Variants in CACNA2D3 observed in about 807,000 individuals in gnomAD.
CACNA2D3 encodes calcium voltage-gated channel auxiliary subunit alpha2delta 3.
CACNA2D3 carries 60 observed loss-of-function variants against 160.6 expected under a neutral mutation model. The ratio of observed to expected loss-of-function variants is 0.37; its 90% CI spans 0.30 to 0.46. The LOEUF is 0.46. Among genes scored for constraint, CACNA2D3 ranks in the 20% least tolerant of loss-of-function variants. The pLI is 1.00. For synonymous variants in CACNA2D3, 558 were observed against 492.9 expected (o/e 1.13, Z -1.75); for missense variants, 1,205 against 1,365.0 (o/e 0.88, Z 1.85).
At chr3:54,652,924 A>G (rs977233915) in intron 11 of CACNA2D3, among the ~76,000 whole-genome samples, 1 of 151,760 alleles carries the variant, frequency 6.6e-6, no homozygotes, top group African/African-American at 2.4e-5. Context: ...CTGGGATGAT[A>G]GGCGCACACC....
intron 11 of CACNA2D3, among the ~76,000 whole-genome samples, chr3:54,660,749 C>T (rs1055474968): frequency 2.6e-5 from 4 of 152,156 alleles, no homozygotes; most frequent in African/African-American, 2.4e-5. Context: ...GCACGCCAGG[C>T]CCTGGCTCCT....
At chr3:54,710,732 T>A (rs988065415) in intron 11 of CACNA2D3, among the ~76,000 whole-genome samples, 4 of 152,228 alleles carry the variant, frequency 2.6e-5, no homozygotes, top group Non-Finnish European at 4.4e-5. Context: ...TAGAAATGAT[T>A]TTTAACTGGT....
chr3:54,953,421 C>T (rs1575403441), intron 27 of CACNA2D3, among the ~76,000 whole-genome samples: 2 of 152,272 alleles, frequency 1.3e-5, no homozygotes. Context: ...AGGTGAGACT[C>T]ATGAAATTCC....
intron 17 of CACNA2D3, among the ~76,000 whole-genome samples, chr3:54,870,964 G>A (rs1308714727): frequency 1.3e-5 from 2 of 151,818 alleles, no homozygotes; most frequent in Admixed American, 6.6e-5. Flanking sequence ...AAGTATAGGG[G>A]GATATGACTA....
intron 13 of CACNA2D3, among the ~76,000 whole-genome samples, chr3:54,796,934 C>T (rs1702877376): frequency 6.6e-6 from 1 of 152,202 alleles, no homozygotes; most frequent in Non-Finnish European, 1.5e-5. Flanking sequence ...CAGCTGTTTT[C>T]AAGAGCAACA....
At chr3:54,945,982 G>T (rs1020402009) in intron 27 of CACNA2D3, among the ~76,000 whole-genome samples, 1 of 152,160 alleles carries the variant, frequency 6.6e-6, no homozygotes, top group African/African-American at 2.4e-5. Flanking sequence ...TCTTTGCCAC[G>T]CTTATTCGCC....
At chr3:54,134,444 A>G (rs1293116721) in intron 2 of CACNA2D3, among the ~76,000 whole-genome samples, 1 of 152,212 alleles carries the variant, frequency 6.6e-6, no homozygotes, top group East Asian at 1.9e-4. Context: ...ACGAAGGTAC[A>G]GATAAACAAA....
chr3:54,811,413 A>G (rs1318750946), intron 13 of CACNA2D3, among the ~76,000 whole-genome samples: 1 of 141,070 alleles, frequency 7.1e-6, no homozygotes, highest in African/African-American at 2.6e-5. Flanking sequence ...GGGTCAGACT[A>G]TTGCCTGCTG....
chr3:54,308,283 C>T (rs1703654478), intron 2 of CACNA2D3, among the ~76,000 whole-genome samples: 1 of 152,176 alleles, frequency 6.6e-6, no homozygotes, highest in East Asian at 1.9e-4. Flanking sequence ...TGGGGATAGT[C>T]CTCAGCCATG....
intron 4 of CACNA2D3, among the ~76,000 whole-genome samples, chr3:54,474,387 G>A (rs915285727): frequency 2.0e-5 from 3 of 151,934 alleles, no homozygotes; most frequent in Admixed American, 6.6e-5. Context: ...ATCACATACC[G>A]GGGCCTGTCA....
At chr3:54,460,632 T>C (rs924062368) in intron 4 of CACNA2D3, among the ~76,000 whole-genome samples, 1 of 152,204 alleles carries the variant, frequency 6.6e-6, no homozygotes, top group African/African-American at 2.4e-5. Flanking sequence ...TTTTGTATCC[T>C]GAGACTTTGC....
intron 11 of CACNA2D3, among the ~76,000 whole-genome samples, chr3:54,749,572 G>A (rs1385044530): frequency 6.6e-6 from 1 of 152,004 alleles, no homozygotes; most frequent in Non-Finnish European, 1.5e-5. Context: ...AAAAAAACCT[G>A]CAAATATAAA....
chr3:54,330,210 ATGTGTGTGTGTGTGTGTG>A (rs10591706), intron 3 of CACNA2D3, among the ~76,000 whole-genome samples: 2 of 146,594 alleles, frequency 1.4e-5, no homozygotes, highest in Non-Finnish European at 3.0e-5. Flanking sequence ...TTTAATTGAT[ATGTGTGTGTGTGTGTGTG>A]TGTGTGTGTG....
chr3:54,839,219 C>T lies in CACNA2D3; in HGVS notation c.1551+571C>T, dbSNP rs180899645. On this transcript the variant is annotated intron_variant, in intron 16 of 37. Coordinates refer to ENST00000474759, the MANE Select transcript of CACNA2D3 (RefSeq NM_018398.3). Reference sequence around the variant, plus strand: ...CTTGCAGTGAGCTGAAATCGCACCACTGCACTGCAGCCTGGGCGACAGAGC... The same window carrying T: ...CTTGCAGTGAGCTGAAATCGCACCATTGCACTGCAGCCTGGGCGACAGAGC... Among the ~76,000 whole-genome samples, 6 of 152,256 alleles carry T rather than the reference C, an allele frequency of 3.9e-5. No homozygotes were observed. The East Asian group carries it at 1.2e-3, about 29-fold the overall frequency.
rs114227976 is a variant in CACNA2D3, at chr3:54,357,344, A to G, written c.322-29371A>G. 2.6e-3 allele frequency among the ~76,000 whole-genome samples: 391 copies of G among 152,332 alleles called. 2 individuals are homozygous for G. The highest frequency in any genetic ancestry group is 8.9e-3 in the African/African-American group (368 of 41,572). On this transcript the variant is annotated intron_variant, in intron 3 of 37. Coordinates refer to ENST00000474759, the MANE Select transcript of CACNA2D3 (RefSeq NM_018398.3). ...AATCTTGCCTCTTGGAACACAACAA[A>G]TACATTCCCAAAAAGCTGTCATAAA...
At chr3:54,294,988 A>G (rs1159849892) in intron 2 of CACNA2D3, among the ~76,000 whole-genome samples, 1 of 151,760 alleles carries the variant, frequency 6.6e-6, no homozygotes, top group African/African-American at 2.4e-5. Flanking sequence ...TTGTCTACCT[A>G]TTCATTCTCA....
At chr3:54,183,808 C>T (rs550064890) in intron 2 of CACNA2D3, among the ~76,000 whole-genome samples, 1 of 139,460 alleles carries the variant, frequency 7.2e-6, no homozygotes, top group South Asian at 2.4e-4. Context: ...TCACTTGAAC[C>T]TGGGAGGCAG....
intron 27 of CACNA2D3, among the ~76,000 whole-genome samples, chr3:54,917,343 A>G (rs1269038932): frequency 2.0e-5 from 3 of 152,290 alleles, no homozygotes; most frequent in South Asian, 2.1e-4. Flanking sequence ...TTTTAAAACC[A>G]TGGCCTAAAT....
intron 16 of CACNA2D3, among the ~76,000 whole-genome samples, chr3:54,840,655 C>T (rs545566709): frequency 2.6e-5 from 4 of 151,302 alleles, no homozygotes; most frequent in South Asian, 2.1e-4. Flanking sequence ...GTGATCCACC[C>T]GCCTCAGCCT....
Sources: allele counts gnomAD v4.1 joint callset (sites outside exome capture counted in the v4.1 genomes callset), GRCh38; gene constraint gnomAD v4.1.1; transcripts MANE v1.5; gene names NCBI Gene and HGNC (gene_info 2026-07-23, HGNC 2026-07-21).